Variants in ZC3H18 observed in about 807,000 individuals in gnomAD.
ZC3H18 encodes zinc finger CCCH-type containing 18.
Under a neutral mutation model 106.1 loss-of-function variants are expected in ZC3H18, and 8 were observed. That is an observed-to-expected ratio of 0.08 (90% CI 0.04 to 0.14). ZC3H18 has a LOEUF of 0.14. Among genes scored for constraint, ZC3H18 ranks in the 10% least tolerant of loss-of-function variants. ZC3H18 has a pLI of 1.00. For synonymous variants in ZC3H18, 635 were observed against 522.1 expected (o/e 1.22, Z -2.95); for missense variants, 1,318 against 1,278.4 (o/e 1.03, Z -0.47).
chr16:88,579,887 C>A (rs961437830), intron 2 of ZC3H18, among the ~76,000 whole-genome samples: 5 of 152,162 alleles, frequency 3.3e-5, no homozygotes, highest in African/African-American at 7.2e-5. Flanking sequence ...CTGAGTGTGA[C>A]TGGGCAGGGC....
At chr16:88,586,255 A>T (rs1350534606) in intron 2 of ZC3H18, among the ~76,000 whole-genome samples, 1 of 152,218 alleles carries the variant, frequency 6.6e-6, no homozygotes, top group South Asian at 2.1e-4. Flanking sequence ...TTTGTTCTCC[A>T]TATTTTATTT....
chr16:88,595,573 G>A (rs1452134587), intron 3 of ZC3H18, among the ~76,000 whole-genome samples: 3 of 150,586 alleles, frequency 2.0e-5, no homozygotes, highest in Non-Finnish European at 2.9e-5. Flanking sequence ...TTGGGAGGCC[G>A]AGGTGGGCGG....
intron 1 of ZC3H18, among the ~76,000 whole-genome samples, chr16:88,571,017 C>T (rs768929201): frequency 1.3e-5 from 2 of 152,180 alleles, no homozygotes; most frequent in African/African-American, 4.8e-5. Context: ...GAACTTGCTC[C>T]GCAGCTTCAA....
chr16:88,612,199 C>T (rs1192139182), intron 8 of ZC3H18, among the ~76,000 whole-genome samples: 1 of 152,054 alleles, frequency 6.6e-6, no homozygotes, highest in South Asian at 2.1e-4. Context: ...AATGGATGGG[C>T]GTCAGTGGAC....
At chr16:88,572,874 C>T (rs975484820) in intron 1 of ZC3H18, among the ~76,000 whole-genome samples, 1 of 152,064 alleles carries the variant, frequency 6.6e-6, no homozygotes, top group Non-Finnish European at 1.5e-5. Context: ...TCTCCTGCCT[C>T]AGCCTCCTGA....
intron 16 of ZC3H18, 122 bp downstream of exon 16, chr16:88,628,976 T>C: frequency 1.2e-6 from 1 of 831,042 alleles, no homozygotes. Flanking sequence ...ACATCTGACT[T>C]GCAGATGATG....
At chr16:88,580,182 GTGTGTGTGTGTGTGTGTGTGTGTGTGTA>G (rs1221810124) in intron 2 of ZC3H18, among the ~76,000 whole-genome samples, 8 of 70,138 alleles carry the variant, frequency 1.1e-4, no homozygotes, top group Non-Finnish European at 2.0e-4. Flanking sequence ...GTGTGTGTGT[GTGTGTGTGTGTGTGTGTGTGTGTGTGTA>G]TATGTATATG....
chr16:88,629,870 G>C (rs1475534137), intron 16 of ZC3H18, among the ~76,000 whole-genome samples: 1 of 152,222 alleles, frequency 6.6e-6, no homozygotes, highest in Admixed American at 6.5e-5. Context: ...GGGGCTTCCA[G>C]ACCCCTTCCC....
chr16:88,616,901 T>C (rs1165351644), intron 8 of ZC3H18, among the ~76,000 whole-genome samples: 1 of 152,080 alleles, frequency 6.6e-6, no homozygotes, highest in African/African-American at 2.4e-5. Flanking sequence ...CGCAGTCACT[T>C]TTGTTTGGTC....
intron 4 of ZC3H18, 99 bp from the exon 5 acceptor site, chr16:88,598,521 A>C: frequency 2.1e-6 from 3 of 1,426,696 alleles, no homozygotes; most frequent in Non-Finnish European, 1.9e-6. Context: ...GCGGCCACAC[A>C]CGGCCGGCTT....
intron 2 of ZC3H18, among the ~76,000 whole-genome samples, chr16:88,583,933 C>T (rs1373969138): frequency 6.6e-6 from 1 of 152,164 alleles, no homozygotes; most frequent in Non-Finnish European, 1.5e-5. Flanking sequence ...ACCAGGAGAC[C>T]CGGAGTTCCT....
At chr16:88,578,839 C>G (rs575010291) in intron 2 of ZC3H18, among the ~76,000 whole-genome samples, 1 of 152,168 alleles carries the variant, frequency 6.6e-6, no homozygotes, top group Non-Finnish European at 1.5e-5. Context: ...TACAGGCGCC[C>G]GCCACCACTG....
intron 2 of ZC3H18, among the ~76,000 whole-genome samples, chr16:88,579,979 A>G (rs1567576910): frequency 6.6e-6 from 1 of 152,068 alleles, no homozygotes; most frequent in African/African-American, 2.4e-5. Flanking sequence ...TTCAGCCTCT[A>G]CAAGAGCACA....
At chr16:88,591,676 C>T (rs924375914) in intron 3 of ZC3H18, among the ~76,000 whole-genome samples, 15 of 152,310 alleles carry the variant, frequency 9.8e-5, no homozygotes, top group African/African-American at 3.6e-4. Flanking sequence ...CACCTCTAGG[C>T]AATTGTGAAT....
intron 3 of ZC3H18, among the ~76,000 whole-genome samples, chr16:88,588,282 A>G (rs1158305580): frequency 6.6e-6 from 1 of 152,230 alleles, no homozygotes; most frequent in Non-Finnish European, 1.5e-5. Context: ...ATTTTGAATC[A>G]GCACCCATCA....
At chr16:88,588,351 G>A (rs775581665) in intron 3 of ZC3H18, among the ~76,000 whole-genome samples, 4 of 152,188 alleles carry the variant, frequency 2.6e-5, no homozygotes, top group South Asian at 2.1e-4. Flanking sequence ...CCGGCCAGTC[G>A]GCGTTGGCCT....
chr16:88,623,927 C>G (rs375290772), intron 10 of ZC3H18, 31 bp from the exon 11 acceptor site: 17 of 1,583,478 alleles, frequency 1.1e-5, no homozygotes, highest in Middle Eastern at 1.7e-4. Context: ...CACCCCCAGG[C>G]CCCTTCCGAC....
At chr16:88,628,200 G>A in intron 15 of ZC3H18, 81 bp downstream of exon 15, 1 of 1,529,996 alleles carries the variant, frequency 6.5e-7, no homozygotes, top group Admixed American at 1.9e-5. Context: ...TTCCTCCTGG[G>A]GGACGGAGCC....
intron 16 of ZC3H18, chr16:88,630,048 C>G (rs1906563241): frequency 6.2e-6 from 1 of 162,138 alleles, no homozygotes; most frequent in South Asian, 1.6e-4. Context: ...TCGCACCAGC[C>G]TTGGGCCTGC....
Sources: allele counts gnomAD v4.1 joint callset (sites outside exome capture counted in the v4.1 genomes callset), GRCh38; gene constraint gnomAD v4.1.1; transcripts MANE v1.5; gene names NCBI Gene and HGNC (gene_info 2026-07-23, HGNC 2026-07-21).